The following CDH4 variants were observed in gnomAD, a reference collection of about 807,000 sequenced individuals.
The protein encoded by CDH4 is cadherin 4, also known as cadherin-4.
CDH4 carries 33 observed loss-of-function variants against 86.0 expected under a neutral mutation model. That is an observed-to-expected ratio of 0.38 (90% CI 0.29 to 0.51). The LOEUF (loss-of-function observed/expected upper bound fraction) is 0.51, where lower values mean the gene tolerates loss of function less well. CDH4 is among the 20% of genes least tolerant of loss of function. The pLI is 0.86. For synonymous variants in CDH4, 555 were observed against 549.4 expected (o/e 1.01, Z -0.14); for missense variants, 1,114 against 1,307.4 (o/e 0.85, Z 2.28).
At chr20:61,722,512 G>A (rs1434287426) in intron 2 of CDH4, among the ~76,000 whole-genome samples, 1 of 152,192 alleles carries the variant, frequency 6.6e-6, no homozygotes, top group East Asian at 1.9e-4. Context: ...ATCCCCCCAG[G>A]AGGGGCCTTA....
At chr20:61,855,232 C>T (rs978204719) in intron 6 of CDH4, among the ~76,000 whole-genome samples, 25 of 146,300 alleles carry the variant, frequency 1.7e-4, no homozygotes, top group South Asian at 4.4e-4. Context: ...GGGTGAATTG[C>T]GCCTTTGGTC....
intron 2 of CDH4, among the ~76,000 whole-genome samples, chr20:61,694,104 G>C (rs2087691099): frequency 6.6e-6 from 1 of 151,968 alleles, no homozygotes; most frequent in Admixed American, 6.6e-5. Context: ...ATGTTGGCCA[G>C]GTTGGTCTTG....
chr20:61,719,320 A>G (rs1309498362), intron 2 of CDH4: 1 of 355,392 alleles, frequency 2.8e-6, no homozygotes, highest in African/African-American at 2.1e-5. Flanking sequence ...CTTCCAAGGT[A>G]CGAGTCAGCC....
In CDH4 at chr20:61,923,494, T is replaced by C. The variant is rs1209074881; in HGVS notation, c.1418T>C (p.Met473Thr). The C allele has an allele frequency of 1.9e-6, 3 of 1,614,052 alleles. No individual in the cohort carries two copies. Among genetic ancestry groups the C allele is most frequent in the Non-Finnish European group, 2.5e-6 (3 of 1,180,038 alleles). Reference sequence around the variant, plus strand: ...AACAGAGCTTTCATGCTGACAGTGATGGTGTCCAACCAGGCGCCCCTGGCC... The same window carrying C: ...AACAGAGCTTTCATGCTGACAGTGACGGTGTCCAACCAGGCGCCCCTGGCC... Reference protein sequence around the residue: ...ELNRAFMLTVMVSNQAPLASG... With the variant: ...ELNRAFMLTVTVSNQAPLASG... The change falls in exon 10 of 16, where the codon ATG becomes ACG. Residue 473 changes from methionine to threonine, a missense_variant. Physicochemically the swap from Met to Thr is moderately conservative, Grantham distance 81 (BLOSUM62 -1). Around this residue, in one of 3 missense-constraint regions of CDH4, gnomAD observed 705 missense variants for 914.1 expected, o/e 0.77. Transcript: ENST00000614565.
At chr20:61,385,802 C>G (rs1263858408) in intron 2 of CDH4, among the ~76,000 whole-genome samples, 4 of 151,062 alleles carry the variant, frequency 2.6e-5, no homozygotes, top group Admixed American at 2.6e-4. Flanking sequence ...TCCTGCCCAC[C>G]TTTAAACTTT....
chr20:61,625,086 C>T (rs534512921), intron 2 of CDH4, among the ~76,000 whole-genome samples: 4 of 152,270 alleles, frequency 2.6e-5, no homozygotes, highest in African/African-American at 9.6e-5. Flanking sequence ...CTGGGCCTCT[C>T]GTGTTGCCCT....
intron 2 of CDH4, among the ~76,000 whole-genome samples, chr20:61,616,500 A>G (rs1342182071): frequency 1.3e-5 from 2 of 152,168 alleles, no homozygotes; most frequent in African/African-American, 2.4e-5. Flanking sequence ...CCTCCACAGT[A>G]AGAGAGGATG....
rs1390486493 is a variant in CDH4, at chr20:61,484,684, T to C, written c.169+229747T>C. Among the ~76,000 whole-genome samples the C allele has an allele frequency of 3.9e-5, 6 of 152,322 alleles. No homozygotes were observed. The East Asian group carries it at 1.2e-3, about 29-fold the overall frequency. ...GGGCACCCTGGGGAGAAGGTACCTG[T>C]GTGCTCATCGGATCCCTAAGACCAG... On this transcript the variant is annotated intron_variant, in intron 2 of 15. Coordinates refer to ENST00000614565, the MANE Select transcript of CDH4 (RefSeq NM_001794.5).
At chr20:61,430,650 T>A (rs2085241363) in intron 2 of CDH4, among the ~76,000 whole-genome samples, 1 of 152,228 alleles carries the variant, frequency 6.6e-6, no homozygotes, top group African/African-American at 2.4e-5. Flanking sequence ...AATCCCAGCC[T>A]CGCCGGTGAC....
intron 2 of CDH4, chr20:61,718,981 C>A (rs1457454488): frequency 2.1e-6 from 1 of 471,234 alleles, no homozygotes; most frequent in South Asian, 1.5e-5. Flanking sequence ...CCCTGCCCTG[C>A]ACCAGATGAA....
chr20:61,533,463 C>T (rs530701633), intron 2 of CDH4, among the ~76,000 whole-genome samples: 3 of 152,342 alleles, frequency 2.0e-5, no homozygotes, highest in African/African-American at 7.2e-5. Flanking sequence ...CCCTTGTCCT[C>T]CCTAGACAGG....
intron 2 of CDH4, among the ~76,000 whole-genome samples, chr20:61,345,175 C>T (rs751034081): frequency 3.0e-4 from 46 of 152,338 alleles, no homozygotes; most frequent in Middle Eastern, 6.8e-3. Flanking sequence ...GTGTGCATTT[C>T]GGGCCAGGCC....
intron 2 of CDH4, among the ~76,000 whole-genome samples, chr20:61,498,638 C>G (rs2085678974): frequency 6.6e-6 from 1 of 152,136 alleles, no homozygotes; most frequent in Non-Finnish European, 1.5e-5. Context: ...GTAGTTTAAC[C>G]AGGATCTCCA....
intron 2 of CDH4, among the ~76,000 whole-genome samples, chr20:61,626,718 T>C (rs183094801): frequency 7.4e-4 from 112 of 152,244 alleles, no homozygotes; most frequent in African/African-American, 2.7e-3. Flanking sequence ...GTTGCTCGTG[T>C]TGAGTGAACA....
intron 4 of CDH4, among the ~76,000 whole-genome samples, chr20:61,820,138 G>A (rs541357567): frequency 2.1e-4 from 32 of 152,250 alleles, no homozygotes; most frequent in Non-Finnish European, 3.4e-4. Flanking sequence ...TTCCCAAACC[G>A]GTTTTGCCCA....
At chr20:61,845,774 C>T (rs1982428058) in intron 5 of CDH4, among the ~76,000 whole-genome samples, 1 of 152,264 alleles carries the variant, frequency 6.6e-6, no homozygotes, top group Non-Finnish European at 1.5e-5. Flanking sequence ...AACTCGGGAA[C>T]AACCATGGAA....
At chr20:61,719,333 G>A (rs775695476) in intron 2 of CDH4, 14 of 340,088 alleles carry the variant, frequency 4.1e-5, no homozygotes, top group African/African-American at 6.5e-5. Context: ...AGTCAGCCAC[G>A]GAGGCCTGTG....
At chr20:61,257,227 C>G (rs1236372586) in intron 2 of CDH4, among the ~76,000 whole-genome samples, 2 of 152,226 alleles carry the variant, frequency 1.3e-5, no homozygotes, top group Admixed American at 6.5e-5. Flanking sequence ...GGCTCCTTCT[C>G]TTTGCCTGAG....
At chr20:61,746,638 G>C (rs1403914351) in intron 3 of CDH4, among the ~76,000 whole-genome samples, 2 of 152,252 alleles carry the variant, frequency 1.3e-5, no homozygotes, top group African/African-American at 2.4e-5. Flanking sequence ...TACTGGCTGG[G>C]TGTTTTGGGA....
Sources: allele counts gnomAD v4.1 joint callset (sites outside exome capture counted in the v4.1 genomes callset), GRCh38; gene constraint gnomAD v4.1.1; regional missense constraint gnomAD v4.1.1; transcripts MANE v1.5; gene names NCBI Gene and HGNC (gene_info 2026-07-23, HGNC 2026-07-21).